The following FGD6 variants were observed in gnomAD, a reference collection of about 807,000 sequenced individuals.
FGD6 encodes the protein FYVE, RhoGEF and PH domain containing 6.
FGD6 carries 90 observed loss-of-function variants against 149.4 expected under a neutral mutation model. That is an observed-to-expected ratio of 0.60 (90% CI 0.51 to 0.72). The LOEUF is 0.72. FGD6 is among the 30% of genes least tolerant of loss of function. FGD6 has a pLI of 0.00. For synonymous variants in FGD6, 527 were observed against 584.0 expected (o/e 0.90, Z 1.41); for missense variants, 1,437 against 1,684.8 (o/e 0.85, Z 2.57).
At chr12:95,093,683 A>AC (rs1432532705) in intron 15 of FGD6, among the ~76,000 whole-genome samples, 1 of 150,888 alleles carries the variant, frequency 6.6e-6, no homozygotes, top group Non-Finnish European at 1.5e-5. Flanking sequence ...TCTCAAAAAA[A>AC]AAAAAAAATA....
intron 6 of FGD6, among the ~76,000 whole-genome samples, chr12:95,138,205 A>AAAAAAAATAAATAAAT (rs1879731874): frequency 7.4e-6 from 1 of 135,966 alleles, no homozygotes; most frequent in African/African-American, 2.8e-5. Flanking sequence ...TTCTGTCTCA[A>AAAAAAAATAAATAAAT]AAATAAATAA....
At chr12:95,149,631 T>C (rs1302446312) in intron 5 of FGD6, among the ~76,000 whole-genome samples, 3 of 119,374 alleles carry the variant, frequency 2.5e-5, no homozygotes, top group Non-Finnish European at 4.9e-5. Flanking sequence ...CACTCTAGCA[T>C]GGATGACACA....
chr12:95,160,799 G>A (rs1429749336), intron 3 of FGD6, among the ~76,000 whole-genome samples: 1 of 152,164 alleles, frequency 6.6e-6, no homozygotes, highest in Non-Finnish European at 1.5e-5. Context: ...AGGAGGCAGA[G>A]GTTGCTGTGA....
chr12:95,129,327 C>G (rs1018025329), intron 8 of FGD6, among the ~76,000 whole-genome samples: 26 of 143,940 alleles, frequency 1.8e-4, no homozygotes, highest in East Asian at 3.9e-4. Flanking sequence ...ATCCATCCAT[C>G]CATCCATCCA....
chr12:95,188,783 A>C (rs951528628), intron 2 of FGD6, among the ~76,000 whole-genome samples: 5 of 151,234 alleles, frequency 3.3e-5, no homozygotes, highest in Non-Finnish European at 7.4e-5. Context: ...AGTTATTTCA[A>C]GTATTCCTTA....
chr12:95,194,304 C>G (rs1881678710), intron 2 of FGD6, among the ~76,000 whole-genome samples: 1 of 152,084 alleles, frequency 6.6e-6, no homozygotes, highest in Non-Finnish European at 1.5e-5. Context: ...GGCATGACCT[C>G]AGCTCACCAC....
chr12:95,139,074 G>A (rs1879765346), intron 6 of FGD6, among the ~76,000 whole-genome samples: 1 of 152,168 alleles, frequency 6.6e-6, no homozygotes, highest in African/African-American at 2.4e-5. Context: ...ATGGAAAAAT[G>A]TTATTTCAGA....
At chr12:95,113,231 C>CTTTTTT (rs11343496) in intron 9 of FGD6, among the ~76,000 whole-genome samples, 1 of 109,644 alleles carries the variant, frequency 9.1e-6, no homozygotes, top group African/African-American at 3.5e-5. Flanking sequence ...GGCCTCAAGT[C>CTTTTTT]TTTTTTTTTT....
At chr12:95,118,633 GA>G (rs1879095826) in intron 8 of FGD6, among the ~76,000 whole-genome samples, 1 of 152,212 alleles carries the variant, frequency 6.6e-6, no homozygotes, top group African/African-American at 2.4e-5. Flanking sequence ...AAGCACAGAG[GA>G]AATGAGTGTA....
chr12:95,216,591 A>AGG (rs1185477932), intron 1 of FGD6, among the ~76,000 whole-genome samples: 1 of 147,614 alleles, frequency 6.8e-6, no homozygotes, highest in Non-Finnish European at 1.5e-5. Context: ...GAACTATGGG[A>AGG]GGCAGACAGA....
intron 8 of FGD6, among the ~76,000 whole-genome samples, chr12:95,130,192 A>G (rs2136254830): frequency 6.6e-6 from 1 of 152,324 alleles, no homozygotes; most frequent in East Asian, 1.9e-4. Flanking sequence ...AGACAATACC[A>G]TGGTTATTTG....
At chr12:95,101,681 CTTT>C (rs757955014) in intron 14 of FGD6, among the ~76,000 whole-genome samples, 6 of 107,812 alleles carry the variant, frequency 5.6e-5, no homozygotes, top group East Asian at 5.6e-4. Context: ...TTTGAACTTT[CTTT>C]TTTTTTTTTT....
chr12:95,126,239 G>A, intron 8 of FGD6: 5 of 1,280,608 alleles, frequency 3.9e-6, no homozygotes, highest in Non-Finnish European at 5.6e-6. Context: ...CAGCAAAAAA[G>A]ATGACCGCTG....
chr12:95,187,243 A>G (rs1012896837), intron 2 of FGD6, among the ~76,000 whole-genome samples: 1 of 151,884 alleles, frequency 6.6e-6, no homozygotes, highest in Non-Finnish European at 1.5e-5. Context: ...AGGCAGGAGA[A>G]TGGCATGAAC....
intron 3 of FGD6, among the ~76,000 whole-genome samples, chr12:95,171,362 G>A (rs1266669465): frequency 1.3e-5 from 2 of 152,108 alleles, no homozygotes; most frequent in African/African-American, 4.8e-5. Context: ...ATGCTATGTG[G>A]ATCTTTTCAA....
rs1877653265 is a variant in FGD6, at chr12:95,080,937, A to G, written c.*583T>C. On this transcript the variant is annotated 3_prime_UTR_variant, in exon 21 of 21. Transcript: ENST00000343958. ...TCCTGCCAAAGAGGTACCTAACAAC[A>G]GAAATACTTTAGATAATTTACTGAA... The G allele has an allele frequency of 6.6e-6, 1 of 152,248 alleles. No individual in the cohort carries two copies. The highest frequency in any genetic ancestry group is 2.1e-4 in the South Asian group (1 of 4,834). 9.4% of individuals were successfully genotyped at this position (152,248 alleles called of 1,614,324 possible).
intron 2 of FGD6, among the ~76,000 whole-genome samples, chr12:95,184,049 G>C (rs111316803): frequency 1.1e-4 from 17 of 152,194 alleles, no homozygotes; most frequent in African/African-American, 3.9e-4. Context: ...TCAAGTTAAA[G>C]GCATTAACTT....
intron 2 of FGD6, among the ~76,000 whole-genome samples, chr12:95,184,220 T>A (rs2136289655): frequency 6.6e-6 from 1 of 152,302 alleles, no homozygotes; most frequent in African/African-American, 2.4e-5. Flanking sequence ...TATCTAAACC[T>A]ATTTAAGTGT....
At chr12:95,166,767 T>C (rs946260677) in intron 3 of FGD6, among the ~76,000 whole-genome samples, 7 of 152,042 alleles carry the variant, frequency 4.6e-5, no homozygotes, top group African/African-American at 1.7e-4. Context: ...CTCATTCCTA[T>C]TTTATGGCTG....
Sources: allele counts gnomAD v4.1 joint callset (sites outside exome capture counted in the v4.1 genomes callset), GRCh38; gene constraint gnomAD v4.1.1; transcripts MANE v1.5; gene names NCBI Gene and HGNC (gene_info 2026-07-23, HGNC 2026-07-21).